NOP58: variants seen among roughly 807,000 people sequenced by gnomAD.
NOP58 encodes the protein nucleolar protein 58.
Under a neutral mutation model 71.2 loss-of-function variants are expected in NOP58, and 44 were observed. The ratio of observed to expected loss-of-function variants is 0.62; its 90% CI spans 0.49 to 0.79. The LOEUF (loss-of-function observed/expected upper bound fraction) is 0.79. Ranked by LOEUF, NOP58 falls within the 30% of genes least tolerant of loss-of-function variation. The probability of loss-of-function intolerance (pLI) is 0.00; values close to 1 mark genes in which losing one functional copy is unlikely to be tolerated. For synonymous variants in NOP58, 228 were observed against 200.3 expected, an observed-to-expected ratio of 1.14 and a Z score of -1.17; for missense variants, 538 against 620.2, an observed-to-expected ratio of 0.87 and a Z score of 1.41.
intron 3 of NOP58, among the ~76,000 whole-genome samples, chr2:202,279,670 C>T (rs1260897236): frequency 6.6e-6 from 1 of 152,138 alleles, no homozygotes; most frequent in African/African-American, 2.4e-5. Context: ...TGGCACACAC[C>T]TTAGTCCCAG....
intron 5 of NOP58, among the ~76,000 whole-genome samples, chr2:202,286,287 G>T (rs1412007776): frequency 6.6e-6 from 1 of 151,438 alleles, no homozygotes; most frequent in Admixed American, 6.6e-5. Flanking sequence ...GGTGAATCAT[G>T]AGGTCAGGAG....
intron 3 of NOP58, among the ~76,000 whole-genome samples, chr2:202,278,566 G>A (rs1036244942): frequency 5.3e-5 from 8 of 152,220 alleles, no homozygotes; most frequent in Admixed American, 2.0e-4. Context: ...ATTTCATCAC[G>A]GGACAACAGA....
chr2:202,292,433 T>C (rs1688918638), intron 8 of NOP58, among the ~76,000 whole-genome samples: 1 of 151,636 alleles, frequency 6.6e-6, no homozygotes, highest in Non-Finnish European at 1.5e-5. Flanking sequence ...GGTCAAGAGA[T>C]AGAGACCATA....
chr2:202,278,374 G>A, intron 3 of NOP58: 1 of 445,746 alleles, frequency 2.2e-6, no homozygotes, highest in Non-Finnish European at 4.6e-6. Context: ...TTAATCCAAG[G>A]GTAGAGTTGT....
chr2:202,280,769 T>C (rs976511099), intron 3 of NOP58, among the ~76,000 whole-genome samples: 1 of 143,328 alleles, frequency 7.0e-6, no homozygotes, highest in Non-Finnish European at 1.5e-5. Flanking sequence ...AACTTGCAAG[T>C]CTTTTTTTTT....
At chr2:202,299,168 C>G (rs1408716214) in intron 12 of NOP58, among the ~76,000 whole-genome samples, 1 of 151,974 alleles carries the variant, frequency 6.6e-6, no homozygotes, top group Non-Finnish European at 1.5e-5. Context: ...TCATGTTGGC[C>G]AGGATGGTCT....
intron 9 of NOP58, among the ~76,000 whole-genome samples, chr2:202,293,765 G>A (rs1348129251): frequency 6.6e-6 from 1 of 151,956 alleles, no homozygotes; most frequent in Non-Finnish European, 1.5e-5. Context: ...GTTGAGACAG[G>A]GTTTTTGCCA....
Position 202,297,375 on chromosome 2 carries a change from T to A in NOP58, c.1072-4T>A. 1 of 1,611,176 alleles carries A rather than the reference T, an allele frequency of 6.2e-7. No individual in the cohort carries two copies. The highest frequency in any genetic ancestry group is 8.5e-7 in the Non-Finnish European group (1 of 1,178,748). ...GAATATAGTTCTTCATGTTTTTCTA[T>A]TAGATTTCTCGAATGCTGGCAGCCA... On this transcript the variant is annotated splice_region_variant and splice_polypyrimidine_tract_variant and intron_variant, in intron 10 of 14. Transcript: ENST00000264279.
intron 3 of NOP58, among the ~76,000 whole-genome samples, chr2:202,280,324 AAG>A (rs1411739453): frequency 1.3e-5 from 2 of 152,054 alleles, no homozygotes; most frequent in African/African-American, 2.4e-5. Flanking sequence ...CCTCTCAAAA[AAG>A]ATTTTTTTTT....
chr2:202,299,365 C>G (rs1015489554), intron 12 of NOP58, among the ~76,000 whole-genome samples: 1 of 152,114 alleles, frequency 6.6e-6, no homozygotes, highest in African/African-American at 2.4e-5. Context: ...TTAGTGTTTT[C>G]TGGAAAGAAA....
chr2:202,284,753 G>C, intron 5 of NOP58: 1 of 319,974 alleles, frequency 3.1e-6, no homozygotes. Context: ...CTACTACTCT[G>C]ATCTTGGATG....
intron 8 of NOP58, chr2:202,291,506 C>G (rs1688894232): frequency 3.2e-6 from 1 of 311,756 alleles, no homozygotes. Flanking sequence ...AACCAAAAAT[C>G]AATTAAGATG....
chr2:202,296,116 C>T (rs1389911254), intron 10 of NOP58, among the ~76,000 whole-genome samples: 1 of 151,578 alleles, frequency 6.6e-6, no homozygotes, highest in Non-Finnish European at 1.5e-5. Flanking sequence ...AATACTATCT[C>T]TGGCAGCAAA....
chr2:202,281,137 CTTTTTTTTTTTT>C (rs59956201), intron 3 of NOP58, among the ~76,000 whole-genome samples: 1 of 142,310 alleles, frequency 7.0e-6, no homozygotes, highest in Non-Finnish European at 1.5e-5. Flanking sequence ...TTTTCTTTTT[CTTTTTTTTTTTT>C]TAGATGGAGT....
In NOP58 at chr2:202,291,409, T is replaced by A. The variant is rs1005596221; in HGVS notation, c.780+139T>A. On this transcript the variant is annotated intron_variant, in intron 8 of 14. Transcript: ENST00000264279. ...ATGAGGGTGTTCAGTCACTACCTCA[T>A]CTGATGCCATCATGATTTGTATACT... is the stretch of plus-strand genomic sequence containing the variant. The A allele has an allele frequency of 9.2e-6, 5 of 544,498 alleles. No homozygotes were observed. The African/African-American group carries it at 9.6e-5, about 10-fold the overall frequency. The allele number at this position is 544,498 out of a possible 1,614,324, so 33.7% of individuals were successfully genotyped here. A position where few individuals can be genotyped will look rare whatever the true frequency, so the allele number is the denominator to read the frequency against.
At chr2:202,292,515 G>T (rs146804609) in intron 8 of NOP58, among the ~76,000 whole-genome samples, 5,106 of 152,070 alleles carry the variant, frequency 0.034, 294 homozygotes, top group African/African-American at 0.12. Context: ...GCGGGCCCCT[G>T]TAGTCCCAGC....
At chr2:202,269,765 G>A (rs1436253462) in intron 1 of NOP58, among the ~76,000 whole-genome samples, 1 of 151,994 alleles carries the variant, frequency 6.6e-6, no homozygotes, top group Non-Finnish European at 1.5e-5. Flanking sequence ...AAGAAAAAAA[G>A]AAATTCCACC....
chr2:202,301,438 C>T (rs1375166061), intron 13 of NOP58, among the ~76,000 whole-genome samples: 2 of 152,168 alleles, frequency 1.3e-5, no homozygotes, highest in African/African-American at 4.8e-5. Context: ...CCACTCCGGC[C>T]TCCCAAACTG....
rs542639403 is a variant in NOP58 at position 202,292,414 on chromosome 2, G to C, written c.781-363G>C. Among the ~76,000 whole-genome samples, 43 of 151,988 alleles carry C rather than the reference G, an allele frequency of 2.8e-4. 1 individual carries two copies. Among genetic ancestry groups the C allele is most frequent in the African/African-American group, 1.0e-3 (43 of 41,490 alleles). ...GCCATCTTATAGAAAACTGATGTTA[G>C]GATCATGAGGTCAAGAGATAGAGAC... On this transcript the variant is annotated intron_variant, in intron 8 of 14. Coordinates refer to ENST00000264279, the MANE Select transcript of NOP58 (RefSeq NM_015934.5).
Sources: gnomAD v4.1 joint callset for allele counts (sites outside exome capture counted in the v4.1 genomes callset) on GRCh38, gnomAD v4.1.1 for gene constraint, MANE v1.5 for transcripts, NCBI Gene and HGNC (gene_info 2026-07-23, HGNC 2026-07-21) for gene names.